The following CRNN variants were observed in gnomAD, a reference collection of about 807,000 sequenced individuals.
The protein encoded by CRNN is 53 kDa putative calcium-binding protein.
CRNN carries 39 observed loss-of-function variants against 44.7 expected under a neutral mutation model. The observed-to-expected ratio is 0.87, with a 90% CI of 0.68 to 1.14. The LOEUF (loss-of-function observed/expected upper bound fraction) is 1.14, where lower values mean the gene tolerates loss of function less well. CRNN is among the 50% of genes most tolerant of loss of function. The pLI, the probability that CRNN is intolerant of heterozygous loss-of-function variation, is 0.00. For missense variants in CRNN, 606 were observed against 605.1 expected (o/e 1.00, Z -0.02); for synonymous variants, 240 against 231.8 (o/e 1.04, Z -0.32).
chr1:152,413,413 T>C (rs1204778021), intron 1 of CRNN, among the ~76,000 whole-genome samples: 1 of 152,078 alleles, frequency 6.6e-6, no homozygotes, highest in Non-Finnish European at 1.5e-5. Context: ...ATGGAGCCTG[T>C]AGCAGCTGGA....
chr1:152,410,509 C>T lies in CRNN; in HGVS notation c.573G>A (p.Gln191=). 2 of 1,614,208 alleles carry T rather than the reference C, an allele frequency of 1.2e-6. No individual in the cohort carries two copies. The highest frequency in any genetic ancestry group is 1.7e-6 in the Non-Finnish European group (2 of 1,180,036). The change falls in exon 3 of 3, where the codon CAG becomes CAA. Residue 191 remains glutamine, a synonymous_variant. Coordinates refer to ENST00000271835, the MANE Select transcript of CRNN (RefSeq NM_016190.3). ...PQIQLSGQTE[Q]TQKAGEGKRN... ...TCTTGCCTTCTCCAGCTTTCTGGGT[C>T]TGCTCTGTCTGCCCAGAGAGTTGTA...
At position 152,412,111 on chromosome 1, in the gene CRNN, A is replaced by G; in HGVS notation, c.123T>C (p.Phe41=). The change falls in exon 2 of 3, where the codon TTT becomes TTC. Residue 41 remains phenylalanine (F), a synonymous_variant. Transcript: ENST00000271835. ...GELKRLLEQE[F]ADVIVKPHDP... is the part of the protein sequence containing the mutation. ...CACACCGTACCACAATCACATCGGC[A>G]AACTCTTGCTCCAAGAGTCTTTTCA... 2 of 1,608,444 alleles carry G rather than the reference A, an allele frequency of 1.2e-6. No homozygotes were observed. The highest frequency in any genetic ancestry group is 1.7e-6 in the Non-Finnish European group (2 of 1,175,678).
intron 1 of CRNN, 56 bp from the exon 2 acceptor site, chr1:152,412,302 T>C: frequency 6.6e-7 from 1 of 1,516,862 alleles, no homozygotes; most frequent in Non-Finnish European, 9.0e-7. Context: ...AGCTATTTCC[T>C]TTATAGCACG....
rs1358544198 is a variant in CRNN at position 152,409,627 on chromosome 1, C to T, written c.1455G>A (p.Glu485=). 6.2e-7 allele frequency: 1 copy of T among 1,613,406 alleles called. No homozygotes were observed. The highest frequency in any genetic ancestry group is 1.7e-5 in the Admixed American group (1 of 59,984). ...SEEKRGITAR[E]LYSYLRSTKP ...TGGTGCTTCTCAAGTAGGAATACAG[C>T]TCTCTAGCTGTGATGCCTCGCTTCT... Residue 485 remains glutamate (E), a synonymous_variant, in exon 3 of 3, where the codon GAG becomes GAA. Transcript: ENST00000271835.
rs1263846246 is a variant in CRNN, at chr1:152,409,891, C to G, written c.1191G>C (p.Glu397Asp). 2 of 1,614,118 alleles carry G rather than the reference C, an allele frequency of 1.2e-6. No individual in the cohort carries two copies. The highest frequency in any genetic ancestry group is 1.7e-5 in the Admixed American group (1 of 60,008). Residue 397 changes from glutamate to aspartate, a missense_variant, in exon 3 of 3, where the codon GAG becomes GAC. Transcript: ENST00000271835. ...TCTGGGCCTGTCCTCCCGGTACTGT[C>G]TCTCCTGCCTCAGGGTTGCTCACTT... ...WMQVSNPEAG[E>D]TVPGGQAQTG...
chr1:152,409,594 T>A lies in CRNN; in HGVS notation c.1488A>T (p.Ter496CysextTer48). The A allele has an allele frequency of 1.2e-6, 2 of 1,605,318 alleles. No homozygotes were observed. The highest frequency in any genetic ancestry group is 1.1e-5 in the South Asian group (1 of 88,758). The stretch of plus-strand genomic sequence containing the variant: ...GTACTGGACATTGGAGTCGGGGAAG[T>A]CATGGCTTGGTGCTTCTCAAGTAGG... ...LYSYLRSTKP[*>C] is the part of the protein sequence containing the mutation. The change falls in exon 3 of 3, where the codon TGA becomes TGT. Residue 496 changes from the stop codon to cysteine (C), a stop_lost. Transcript: ENST00000271835.
At position 152,412,137 on chromosome 1, in the gene CRNN, G is replaced by C. The variant is rs1317656704; in HGVS notation, c.97C>G (p.Leu33Val). 1 of 1,611,998 alleles carries C rather than the reference G, an allele frequency of 6.2e-7. No homozygotes were observed. Among genetic ancestry groups the C allele is most frequent in the Non-Finnish European group, 8.5e-7 (1 of 1,178,544 alleles). ...AACTCTTGCTCCAAGAGTCTTTTCA[G>C]CTCCCCTCGGGTGAGCGCTGTGCAG... ...GNCTALTRGE[L>V]KRLLEQEFAD... Residue 33 changes from leucine to valine, a missense_variant, in exon 2 of 3, where the codon CTG (leucine) becomes GTG (valine). Transcript: ENST00000271835.
In CRNN at chr1:152,409,536, A is replaced by G. The variant is rs973455871; in HGVS notation, c.*58T>C. On this transcript the variant is annotated 3_prime_UTR_variant, in exon 3 of 3. Transcript: ENST00000271835. ...GCACCCACTGGATTGGCCATGCAGG[A>G]CAAGCCAAACTCTCTCCAGCTGTCT... is the stretch of plus-strand genomic sequence containing the variant. The G allele has an allele frequency of 2.6e-5, 40 of 1,559,324 alleles. No homozygotes were observed. The highest frequency in any genetic ancestry group is 3.4e-5 in the Non-Finnish European group (39 of 1,152,152).
At position 152,409,782 on chromosome 1, in the gene CRNN, GTCTGTCTCCCTGCCCT is replaced by G. The variant is rs779701326; in HGVS notation, c.1284_1299del (p.Glu428AspfsTer19). On this transcript the variant is annotated frameshift_variant, in exon 3 of 3. Coordinates refer to ENST00000271835, the MANE Select transcript of CRNN (RefSeq NM_016190.3). LOFTEE classifies it high-confidence loss of function. ...CATTCCTCACCAACCACTGTGGGCT[GTCTGTCTCCCTGCCCT>G]TCTGTCACACAGCGCCTTGGGTGAG... 2.5e-6 allele frequency: 4 copies of G among 1,614,082 alleles called. No individual in the cohort carries two copies. In the East Asian group the frequency reaches 8.9e-5, roughly 36 times the overall value.
Position 152,410,234 on chromosome 1 carries a change from G to T in CRNN, c.848C>A (p.Thr283Lys). 2 of 1,613,390 alleles carry T rather than the reference G, an allele frequency of 1.2e-6. No individual in the cohort carries two copies. The highest frequency in any genetic ancestry group is 1.7e-6 in the Non-Finnish European group (2 of 1,179,584). Residue 283 changes from threonine to lysine, a missense_variant, in exon 3 of 3, where the codon ACA becomes AAA. Coordinates refer to ENST00000271835, the MANE Select transcript of CRNN (RefSeq NM_016190.3). ...QGRSQTSQAV[T>K]GGHAQIQAGT... Reference sequence around the variant, plus strand: ...TGCCTGTATCTGAGCATGTCCTCCTGTCACAGCCTGGCTGGTCTGGCTCCT... The same window carrying T: ...TGCCTGTATCTGAGCATGTCCTCCTTTCACAGCCTGGCTGGTCTGGCTCCT...
Position 152,409,530 on chromosome 1 carries a change from T to TGCAG in CRNN, c.*60_*63dup. ...AGGGATGCACCCACTGGATTGGCCATGCAGGACAAGCCAAACTCTCTCCAG... is the reference window on the plus strand; with the variant it reads ...AGGGATGCACCCACTGGATTGGCCATGCAGGCAGGACAAGCCAAACTCTCTCCAG... On this transcript the variant is annotated 3_prime_UTR_variant, in exon 3 of 3. Coordinates refer to ENST00000271835, the MANE Select transcript of CRNN (RefSeq NM_016190.3). 6.4e-7 allele frequency: 1 copy of TGCAG among 1,553,926 alleles called. No homozygotes were observed. The highest frequency in any genetic ancestry group is 1.4e-5 in the African/African-American group (1 of 73,800).
At chr1:152,413,554 G>C (rs1480863416) in intron 1 of CRNN, among the ~76,000 whole-genome samples, 2 of 152,316 alleles carry the variant, frequency 1.3e-5, no homozygotes, top group South Asian at 2.1e-4. Flanking sequence ...ATAGCAAAAG[G>C]TGGGCTGTTC....
chr1:152,412,883 C>T (rs1655812130), intron 1 of CRNN, among the ~76,000 whole-genome samples: 4 of 152,120 alleles, frequency 2.6e-5, no homozygotes, highest in East Asian at 3.9e-4. Context: ...ATTTATTTAT[C>T]ACAAGGGTGT....
At chr1:152,411,422 G>C (rs1158886985) in intron 2 of CRNN, among the ~76,000 whole-genome samples, 1 of 152,164 alleles carries the variant, frequency 6.6e-6, no homozygotes, top group Non-Finnish European at 1.5e-5. Flanking sequence ...GAAGCAGTGG[G>C]CCCCTGCAGC....
rs376410475 is a variant in CRNN at position 152,410,056 on chromosome 1, C to T, written c.1026G>A (p.Val342=). The change falls in exon 3 of 3, where the codon GTG becomes GTA. Residue 342 remains valine, a synonymous_variant. Transcript: ENST00000271835. The part of the protein sequence containing the change: ...GQGRSQTSQA[V]TGGHTQIQAG... ...CCTGTATCTGAGTGTGTCCTCCTGT[C>T]ACAGCCTGGCTGGTCTGGCTCCTGC... 15 of 1,613,950 alleles carry T rather than the reference C, an allele frequency of 9.3e-6. No individual in the cohort carries two copies. Among genetic ancestry groups the T allele is most frequent in the Non-Finnish European group, 1.2e-5 (14 of 1,180,016 alleles).
At chr1:152,413,524 C>G in intron 1 of CRNN, among the ~76,000 whole-genome samples, 1 of 152,116 alleles carries the variant, frequency 6.6e-6, no homozygotes, top group Non-Finnish European at 1.5e-5. Flanking sequence ...ATTAGTGTGG[C>G]CATGAGGACT....
Position 152,409,588 on chromosome 1 carries a change from G to A in CRNN, c.*6C>T, listed in dbSNP as rs759345222. Reference sequence around the variant, plus strand: ...CTTCCAGTACTGGACATTGGAGTCGGGGAAGTCATGGCTTGGTGCTTCTCA... The same window carrying A: ...CTTCCAGTACTGGACATTGGAGTCGAGGAAGTCATGGCTTGGTGCTTCTCA... On this transcript the variant is annotated 3_prime_UTR_variant, in exon 3 of 3. Transcript: ENST00000271835. 3 of 1,602,642 alleles carry A rather than the reference G, an allele frequency of 1.9e-6. No individual in the cohort carries two copies. The highest frequency in any genetic ancestry group is 2.6e-6 in the Non-Finnish European group (3 of 1,174,334).
At position 152,410,303 on chromosome 1, in the gene CRNN, G is replaced by T. The variant is rs1218565548; in HGVS notation, c.779C>A (p.Ala260Asp). Reference protein sequence around the residue: ...TGRTSKQTQEATNDQNRGTET... With the variant: ...TGRTSKQTQEDTNDQNRGTET... ...AGTCCCTCTGTTCTGGTCATTGGTG[G>T]CCTCCTGTGTCTGCTTGCTGGTTCT... Residue 260 changes from alanine to aspartate, a missense_variant, in exon 3 of 3, where the codon GCC (alanine) becomes GAC (aspartate). Ala to Asp is a moderately radical substitution (Grantham distance 126). Coordinates refer to ENST00000271835, the MANE Select transcript of CRNN (RefSeq NM_016190.3). 1 of 1,613,714 alleles carries T rather than the reference G, an allele frequency of 6.2e-7. No homozygotes were observed. The highest frequency in any genetic ancestry group is 8.5e-7 in the Non-Finnish European group (1 of 1,179,934).
intron 1 of CRNN, 87 bp from the exon 2 acceptor site, chr1:152,412,333 T>A: frequency 7.5e-7 from 1 of 1,334,830 alleles, no homozygotes; most frequent in Non-Finnish European, 1.0e-6. Flanking sequence ...GGTCTTTCCT[T>A]GCACGTTCAG....
Sources: allele counts gnomAD v4.1 joint callset (sites outside exome capture counted in the v4.1 genomes callset), GRCh38; gene constraint gnomAD v4.1.1; transcripts MANE v1.5; gene names NCBI Gene and HGNC (gene_info 2026-07-23, HGNC 2026-07-21).